Variants in TSPAN15 observed in about 807,000 individuals in gnomAD.
TSPAN15 encodes tetraspanin 15.
In TSPAN15, 20 loss-of-function variants were observed where a neutral mutation model predicts 34.5. The ratio of observed to expected loss-of-function variants is 0.58; its 90% CI spans 0.41 to 0.84. The LOEUF is 0.84. Ranked by LOEUF, TSPAN15 falls within the 40% of genes least tolerant of loss-of-function variation. The pLI is 0.00. For missense variants in TSPAN15, 313 were observed against 386.1 expected, an observed-to-expected ratio of 0.81 and a Z score of 1.59; for synonymous variants, 155 against 153.9, an observed-to-expected ratio of 1.01 and a Z score of -0.05.
chr10:69,495,351 A>T, intron 3 of TSPAN15: 1 of 481,846 alleles, frequency 2.1e-6, no homozygotes, highest in South Asian at 2.4e-5. Context: ...AGTGGAGTGA[A>T]TTACTCCTGC....
the TSPAN15 span, among the ~76,000 whole-genome samples, chr10:69,526,752 T>A: frequency 8.1e-6 from 1 of 122,732 alleles, no homozygotes; most frequent in African/African-American, 3.2e-5. Flanking sequence ...ATTACACCAC[T>A]GTACCACCTG....
At chr10:69,483,526 A>G (rs916390469) in intron 1 of TSPAN15, among the ~76,000 whole-genome samples, 165 bp from the exon 2 acceptor site, 24 of 152,150 alleles carry the variant, frequency 1.6e-4, no homozygotes, top group Non-Finnish European at 5.9e-5. Context: ...GGATTTCAAT[A>G]GAGAAAATTT....
At chr10:69,452,218 C>A (rs1840988048) in intron 1 of TSPAN15, among the ~76,000 whole-genome samples, 1 of 152,218 alleles carries the variant, frequency 6.6e-6, no homozygotes, top group Non-Finnish European at 1.5e-5. Flanking sequence ...AGGAGAAGTC[C>A]ACCAGACGAC....
At chr10:69,505,100 T>G (rs1336172522) in intron 6 of TSPAN15, among the ~76,000 whole-genome samples, 2 of 152,132 alleles carry the variant, frequency 1.3e-5, no homozygotes, top group Non-Finnish European at 2.9e-5. Flanking sequence ...CCAGCAGTGG[T>G]TCTCAGCCCC....
chr10:69,532,779 A>T, the TSPAN15 span, among the ~76,000 whole-genome samples: 6 of 152,240 alleles, frequency 3.9e-5, no homozygotes, highest in African/African-American at 7.2e-5. Context: ...CAATCTATAC[A>T]TCTGACAAAG....
chr10:69,464,484 G>A (rs1160994145), intron 1 of TSPAN15, among the ~76,000 whole-genome samples: 1 of 152,228 alleles, frequency 6.6e-6, no homozygotes, highest in African/African-American at 2.4e-5. Context: ...GTTTCTTGGG[G>A]CTTCCCTTCT....
downstream of TSPAN15, among the ~76,000 whole-genome samples, chr10:69,510,558 AC>A (rs1330079922): frequency 6.6e-6 from 1 of 152,150 alleles, no homozygotes. Context: ...CTATTTGAAT[AC>A]CCTTTATTTC....
chr10:69,508,500 A>G (rs1589659102), downstream of TSPAN15, among the ~76,000 whole-genome samples: 1 of 151,122 alleles, frequency 6.6e-6, no homozygotes, highest in South Asian at 2.1e-4. Flanking sequence ...AAGAGCCCCA[A>G]ACCTGAAGGA....
chr10:69,489,577 G>A (rs940789665), intron 3 of TSPAN15, among the ~76,000 whole-genome samples: 12 of 152,180 alleles, frequency 7.9e-5, no homozygotes, highest in East Asian at 7.7e-4. Flanking sequence ...CTGACTTCCC[G>A]CAACAATTAG....
the TSPAN15 span, among the ~76,000 whole-genome samples, chr10:69,546,354 G>A: frequency 0.025 from 3,803 of 152,158 alleles, 168 homozygotes; most frequent in African/African-American, 0.087. Flanking sequence ...TTATTCCTTG[G>A]CCTTCTCATC....
At chr10:69,465,286 G>T (rs1841359876) in intron 1 of TSPAN15, among the ~76,000 whole-genome samples, 1 of 152,238 alleles carries the variant, frequency 6.6e-6, no homozygotes, top group African/African-American at 2.4e-5. Context: ...TCAGAGCAGA[G>T]ACAAGATGAG....
chr10:69,462,554 C>G (rs942618172), intron 1 of TSPAN15, among the ~76,000 whole-genome samples: 10 of 151,370 alleles, frequency 6.6e-5, no homozygotes, highest in Admixed American at 5.9e-4. Context: ...CCAGGATGGT[C>G]TTGATCTTCT....
At chr10:69,537,487 G>A in the TSPAN15 span, among the ~76,000 whole-genome samples, 1 of 152,066 alleles carries the variant, frequency 6.6e-6, no homozygotes, top group African/African-American at 2.4e-5. Context: ...TGAGATCAAG[G>A]TGTCGTCAGG....
At chr10:69,468,056 A>G (rs1021694002) in intron 1 of TSPAN15, among the ~76,000 whole-genome samples, 4 of 152,274 alleles carry the variant, frequency 2.6e-5, no homozygotes, top group Middle Eastern at 3.4e-3. Context: ...GGAAATTCAG[A>G]AAGCCAATTA....
chr10:69,507,914 G>T (rs1454552740), downstream of TSPAN15, among the ~76,000 whole-genome samples: 2 of 151,786 alleles, frequency 1.3e-5, no homozygotes, highest in Non-Finnish European at 2.9e-5. Context: ...TCCAGGAAAT[G>T]GGGTGGATGG....
chr10:69,547,316 C>T, the TSPAN15 span, among the ~76,000 whole-genome samples: 1 of 152,156 alleles, frequency 6.6e-6, no homozygotes. Flanking sequence ...CACTCCTTGT[C>T]TTTTCATATT....
the TSPAN15 span, among the ~76,000 whole-genome samples, chr10:69,515,803 C>T: frequency 1.3e-5 from 2 of 152,214 alleles, no homozygotes; most frequent in Non-Finnish European, 2.9e-5. Context: ...GACATGGGGA[C>T]ATGTGGTCGC....
the TSPAN15 span, among the ~76,000 whole-genome samples, chr10:69,531,875 T>C: frequency 2.0e-5 from 3 of 150,384 alleles, no homozygotes; most frequent in East Asian, 5.9e-4. Context: ...AAAAGCCACC[T>C]ATGACAAATC....
chr10:69,452,980 G>A (rs1040144868), intron 1 of TSPAN15, among the ~76,000 whole-genome samples: 1 of 152,242 alleles, frequency 6.6e-6, no homozygotes, highest in African/African-American at 2.4e-5. Flanking sequence ...CGGAGATCCA[G>A]ATTCAGCTCT....
Sources: allele counts gnomAD v4.1 joint callset (sites outside exome capture counted in the v4.1 genomes callset), GRCh38; gene constraint gnomAD v4.1.1; transcripts MANE v1.5; gene names NCBI Gene and HGNC (gene_info 2026-07-23, HGNC 2026-07-21).